The following IGF2BP3 variants were observed in gnomAD, a reference collection of about 807,000 sequenced individuals.
IGF2BP3 encodes the protein insulin like growth factor 2 mRNA binding protein 3.
IGF2BP3 carries 9 observed loss-of-function variants against 73.8 expected under a neutral mutation model. The ratio of observed to expected loss-of-function variants is 0.12; its 90% CI spans 0.07 to 0.21. IGF2BP3 has a LOEUF of 0.21. IGF2BP3 is among the 10% of genes least tolerant of loss of function. The pLI is 1.00. For missense variants in IGF2BP3, 542 were observed against 714.0 expected, an observed-to-expected ratio of 0.76 and a Z score of 2.75; for synonymous variants, 258 against 256.7, an observed-to-expected ratio of 1.01 and a Z score of -0.05.
At chr7:23,389,822 C>A (rs1471271964) in intron 3 of IGF2BP3, among the ~76,000 whole-genome samples, 2 of 139,750 alleles carry the variant, frequency 1.4e-5, no homozygotes, top group Non-Finnish European at 3.0e-5. Context: ...AGCGAGATCC[C>A]TTCTGTAAAA....
chr7:23,375,713 C>T (rs961049708), intron 3 of IGF2BP3, among the ~76,000 whole-genome samples: 1 of 152,112 alleles, frequency 6.6e-6, no homozygotes, highest in African/African-American at 2.4e-5. Flanking sequence ...GTATGGTCTC[C>T]AAAAGCAGTA....
At chr7:23,394,907 G>A (rs887415420) in intron 3 of IGF2BP3, among the ~76,000 whole-genome samples, 1 of 152,208 alleles carries the variant, frequency 6.6e-6, no homozygotes, top group African/African-American at 2.4e-5. Flanking sequence ...GTTCAGCTGG[G>A]CAACTTCAAG....
intron 3 of IGF2BP3, among the ~76,000 whole-genome samples, chr7:23,391,490 A>G (rs1358190859): frequency 6.6e-6 from 1 of 152,182 alleles, no homozygotes; most frequent in African/African-American, 2.4e-5. Flanking sequence ...GTGCAAGGAC[A>G]GCTTTAACAG....
At chr7:23,376,633 G>A (rs1188416418) in intron 3 of IGF2BP3, among the ~76,000 whole-genome samples, 2 of 151,624 alleles carry the variant, frequency 1.3e-5, no homozygotes, top group Non-Finnish European at 2.9e-5. Context: ...TGGGAGGCCC[G>A]AGGCAGGCGG....
chr7:23,329,006 G>A (rs1784375007), intron 10 of IGF2BP3, among the ~76,000 whole-genome samples: 2 of 152,002 alleles, frequency 1.3e-5, no homozygotes, highest in Non-Finnish European at 2.9e-5. Context: ...TCCGGAGATC[G>A]AGACCATCCT....
intron 10 of IGF2BP3, among the ~76,000 whole-genome samples, chr7:23,331,964 C>A (rs777512992): frequency 6.6e-6 from 1 of 151,466 alleles, no homozygotes; most frequent in Non-Finnish European, 1.5e-5. Context: ...TAACAAGGTA[C>A]GTCTTACTTG....
chr7:23,314,160 G>C (rs1413094059), intron 12 of IGF2BP3, among the ~76,000 whole-genome samples: 2 of 151,184 alleles, frequency 1.3e-5, no homozygotes, highest in East Asian at 3.9e-4. Context: ...GCAGACTACA[G>C]GCATGCAACA....
intron 2 of IGF2BP3, among the ~76,000 whole-genome samples, chr7:23,428,297 C>T (rs955928924): frequency 6.6e-6 from 1 of 151,744 alleles, no homozygotes; most frequent in Non-Finnish European, 1.5e-5. Flanking sequence ...CGGTGAAACC[C>T]CATCTCTACT....
chr7:23,374,557 C>T (rs1413490295), intron 3 of IGF2BP3, among the ~76,000 whole-genome samples: 1 of 151,830 alleles, frequency 6.6e-6, no homozygotes, highest in African/African-American at 2.4e-5. Context: ...AGTGCCTGTA[C>T]TCCCAGCTAC....
intron 2 of IGF2BP3, among the ~76,000 whole-genome samples, chr7:23,442,987 T>G (rs1320332406): frequency 6.6e-6 from 1 of 152,096 alleles, no homozygotes; most frequent in Non-Finnish European, 1.5e-5. Context: ...GTATCTTAAA[T>G]TATACTGTTA....
rs777167775 is a variant in IGF2BP3 at position 23,346,598 on chromosome 7, CT to C, written c.819-537del. On this transcript the variant is annotated intron_variant, in intron 7 of 14. Coordinates refer to ENST00000258729, the MANE Select transcript of IGF2BP3 (RefSeq NM_006547.3). ...GATGGTGGGCTTTTCCTTTTTCTTT[CT>C]TTTTTTTTTTTTGAGACAGAGTCTC... Among the ~76,000 whole-genome samples, 700 of 132,404 alleles carry C rather than the reference CT, an allele frequency of 5.3e-3. 5 individuals carry two copies. Among genetic ancestry groups the C allele is most frequent in the African/African-American group, 0.016 (467 of 28,598 alleles). 86.9% of individuals were successfully genotyped at this position (132,404 alleles called of 152,430 possible).
At chr7:23,368,343 A>AAAAG (rs58687904) in intron 3 of IGF2BP3, among the ~76,000 whole-genome samples, 24,682 of 137,774 alleles carry the variant, frequency 0.18, 2,322 homozygotes, top group Non-Finnish European at 0.2. Flanking sequence ...AAGAAAGAAA[A>AAAAG]AAAGAAAGAA....
chr7:23,350,962 T>C (rs1784943949), intron 6 of IGF2BP3, among the ~76,000 whole-genome samples: 2 of 152,074 alleles, frequency 1.3e-5, no homozygotes. Context: ...GAAAATTACT[T>C]CCAAAAACAA....
intron 10 of IGF2BP3, 111 bp downstream of exon 10, chr7:23,341,953 T>TA: frequency 8.2e-7 from 1 of 1,220,732 alleles, no homozygotes; most frequent in Non-Finnish European, 1.1e-6. Context: ...AAGGCTCCAT[T>TA]AGCAAGAACT....
intron 5 of IGF2BP3, among the ~76,000 whole-genome samples, chr7:23,352,381 G>A (rs113044689): frequency 9.2e-4 from 137 of 149,008 alleles, no homozygotes; most frequent in Non-Finnish European, 1.5e-3. Flanking sequence ...CTCTGCCTCC[G>A]GGGTTCAAGA....
intron 8 of IGF2BP3, among the ~76,000 whole-genome samples, chr7:23,345,588 T>G (rs909835598): frequency 1.3e-5 from 2 of 152,256 alleles, no homozygotes; most frequent in African/African-American, 4.8e-5. Context: ...AGCTGAGCAA[T>G]TAATGTTCAC....
At chr7:23,430,534 C>T (rs909804394) in intron 2 of IGF2BP3, among the ~76,000 whole-genome samples, 2 of 152,172 alleles carry the variant, frequency 1.3e-5, no homozygotes, top group African/African-American at 4.8e-5. Context: ...CCAGCTGTGC[C>T]GAACTAAACC....
chr7:23,337,167 C>T (rs961884342), intron 10 of IGF2BP3, among the ~76,000 whole-genome samples: 2 of 151,778 alleles, frequency 1.3e-5, no homozygotes, highest in African/African-American at 2.4e-5. Context: ...AACCACCCCC[C>T]ACCCCCTGCA....
intron 2 of IGF2BP3, among the ~76,000 whole-genome samples, chr7:23,463,166 C>G (rs1788488884): frequency 1.3e-5 from 2 of 152,220 alleles, no homozygotes; most frequent in Non-Finnish European, 2.9e-5. Flanking sequence ...ACCAGAGTTA[C>G]TGAATGGATA....
Sources: allele counts gnomAD v4.1 joint callset (sites outside exome capture counted in the v4.1 genomes callset), GRCh38; gene constraint gnomAD v4.1.1; transcripts MANE v1.5; gene names NCBI Gene and HGNC (gene_info 2026-07-23, HGNC 2026-07-21).